Variants in PSD3 observed in about 807,000 individuals in gnomAD.
PSD3 encodes pleckstrin and Sec7 domain containing 3.
In PSD3, 49 loss-of-function variants were observed where a neutral mutation model predicts 105.5. The observed-to-expected ratio is 0.46, with a 90% confidence interval of 0.37 to 0.59. PSD3 has a LOEUF of 0.59. Ranked by LOEUF, PSD3 falls within the 20% of genes least tolerant of loss-of-function variation. The probability of loss-of-function intolerance (pLI) is 0.00; values close to 1 mark genes in which losing one functional copy is unlikely to be tolerated. For missense variants in PSD3, 1,561 were observed against 1,263.8 expected, an observed-to-expected ratio of 1.24 and a Z score of -3.57; for synonymous variants, 557 against 457.8, an observed-to-expected ratio of 1.22 and a Z score of -2.77.
At chr8:18,914,154 C>G (rs935606426) in intron 2 of PSD3, among the ~76,000 whole-genome samples, 4 of 149,936 alleles carry the variant, frequency 2.7e-5, no homozygotes, top group Admixed American at 2.0e-4. Context: ...TCTCCATAGA[C>G]TCATAAACAG....
chr8:18,574,359 G>T (rs1802345939), intron 13 of PSD3, among the ~76,000 whole-genome samples: 1 of 151,970 alleles, frequency 6.6e-6, no homozygotes, highest in African/African-American at 2.4e-5. Context: ...TATTACATCT[G>T]GTATTTTTGA....
At chr8:18,961,246 G>A (rs2129471158) in intron 1 of PSD3, among the ~76,000 whole-genome samples, 1 of 152,234 alleles carries the variant, frequency 6.6e-6, no homozygotes, top group Non-Finnish European at 1.5e-5. Flanking sequence ...AAGTGATGGT[G>A]GAAACAACAC....
intron 1 of PSD3, among the ~76,000 whole-genome samples, chr8:18,958,919 GTT>G (rs71218911): frequency 1.7e-5 from 2 of 114,984 alleles, no homozygotes; most frequent in African/African-American, 6.5e-5. Flanking sequence ...GTTAAGTGGT[GTT>G]TTTTTTTTTT....
intron 4 of PSD3, among the ~76,000 whole-genome samples, chr8:18,850,338 C>A (rs1168023430): frequency 6.6e-6 from 1 of 152,232 alleles, no homozygotes; most frequent in Non-Finnish European, 1.5e-5. Context: ...CTCCCTGGCT[C>A]CTTTCAGGTA....
chr8:18,770,357 C>T (rs1024468155), intron 8 of PSD3, among the ~76,000 whole-genome samples: 4 of 152,148 alleles, frequency 2.6e-5, no homozygotes, highest in African/African-American at 4.8e-5. Flanking sequence ...CTTCTTTACA[C>T]ATTCTAGATA....
At chr8:18,845,673 G>A (rs889636899) in intron 4 of PSD3, among the ~76,000 whole-genome samples, 21 of 152,192 alleles carry the variant, frequency 1.4e-4, no homozygotes, top group South Asian at 6.2e-4. Flanking sequence ...GTGGTGGCTC[G>A]CACCTGTAAT....
chr8:18,584,429 A>C (rs1413502284), intron 12 of PSD3, among the ~76,000 whole-genome samples: 1 of 152,230 alleles, frequency 6.6e-6, no homozygotes, highest in Non-Finnish European at 1.5e-5. Flanking sequence ...GAAGACACTA[A>C]TGGGAAAAAT....
chr8:18,602,898 G>A (rs979953334), intron 11 of PSD3, among the ~76,000 whole-genome samples: 1 of 152,180 alleles, frequency 6.6e-6, no homozygotes, highest in Non-Finnish European at 1.5e-5. Context: ...GACTGTAGAA[G>A]GAGTTAAAGT....
chr8:18,646,866 T>A (rs11985625), intron 10 of PSD3, among the ~76,000 whole-genome samples: 50 of 152,102 alleles, frequency 3.3e-4, no homozygotes, highest in Non-Finnish European at 5.1e-4. Flanking sequence ...CTAGAAGGCT[T>A]CTTTACTCGG....
intron 4 of PSD3, among the ~76,000 whole-genome samples, chr8:18,822,283 T>C (rs373031906): frequency 6.6e-6 from 1 of 152,128 alleles, no homozygotes; most frequent in Non-Finnish European, 1.5e-5. Context: ...AGAAGTATGA[T>C]GCATAGCCCT....
intron 11 of PSD3, among the ~76,000 whole-genome samples, chr8:18,623,173 C>G (rs1806239923): frequency 6.6e-6 from 1 of 152,118 alleles, no homozygotes. Flanking sequence ...GCGTGAGCCA[C>G]TGTGTCTGGT....
rs577274144 is a variant in PSD3 at position 19,065,018 on chromosome 8, T to C, written c.324+19188A>G. ...AATTAAACTAAACTTTAAAATGGGC[T>C]AGTTTTCCAAAAAAACCAGGAGATT... On this transcript the variant is annotated intron_variant, in intron 1 of 1. Transcript: ENST00000521475. Among the ~76,000 whole-genome samples the C allele has an allele frequency of 2.6e-5, 4 of 152,296 alleles. No individual in the cohort carries two copies. The South Asian group carries it at 8.3e-4, about 32-fold the overall frequency.
intron 9 of PSD3, among the ~76,000 whole-genome samples, chr8:18,762,181 G>T (rs892541103): frequency 6.6e-6 from 1 of 152,170 alleles, no homozygotes. Flanking sequence ...TCATGAATGG[G>T]TTAGCACTGT....
intron 4 of PSD3, among the ~76,000 whole-genome samples, chr8:18,845,766 A>G (rs1815038793): frequency 6.6e-6 from 1 of 152,086 alleles, no homozygotes; most frequent in African/African-American, 2.4e-5. Context: ...GCAAGACCCC[A>G]CCTCTACAAA....
At chr8:18,911,887 T>G (rs933163625) in intron 2 of PSD3, among the ~76,000 whole-genome samples, 5 of 152,072 alleles carry the variant, frequency 3.3e-5, no homozygotes, top group African/African-American at 1.2e-4. Context: ...TCTTACACAT[T>G]TTGTCAGCCT....
chr8:18,652,322 G>A (rs1808548332), intron 10 of PSD3, among the ~76,000 whole-genome samples: 1 of 152,026 alleles, frequency 6.6e-6, no homozygotes, highest in Admixed American at 6.6e-5. Context: ...TTGCTGAGGA[G>A]GAGACTACAT....
At chr8:18,974,021 T>G (rs1824793747) in intron 1 of PSD3, among the ~76,000 whole-genome samples, 1 of 152,206 alleles carries the variant, frequency 6.6e-6, no homozygotes, top group Non-Finnish European at 1.5e-5. Flanking sequence ...CAATCTAGCT[T>G]TTAACCATTG....
chr8:18,866,745 G>C (rs1048137644), intron 4 of PSD3, among the ~76,000 whole-genome samples: 10 of 150,896 alleles, frequency 6.6e-5, no homozygotes, highest in African/African-American at 2.4e-4. Context: ...CTCAAAAAGA[G>C]AGGTCCATTG....
At chr8:19,023,460 G>T (rs1008441050) in intron 1 of PSD3, among the ~76,000 whole-genome samples, 1 of 150,884 alleles carries the variant, frequency 6.6e-6, no homozygotes, top group African/African-American at 2.4e-5. Context: ...ACAGGGTCTT[G>T]CTCTGTCACC....
Sources: gnomAD v4.1 joint callset for allele counts (sites outside exome capture counted in the v4.1 genomes callset) on GRCh38, gnomAD v4.1.1 for gene constraint, MANE v1.5 for transcripts, NCBI Gene and HGNC (gene_info 2026-07-23, HGNC 2026-07-21) for gene names.